Variants in SLC27A4 observed in about 807,000 individuals in gnomAD.
The protein encoded by SLC27A4 is solute carrier family 27 member 4, also known as long-chain fatty acid transport protein 4.
Under a neutral mutation model 64.4 loss-of-function variants are expected in SLC27A4, and 33 were observed. That is an observed-to-expected ratio of 0.51 (90% CI 0.39 to 0.68). SLC27A4 has a LOEUF of 0.68. SLC27A4 is among the 30% of genes least tolerant of loss of function. SLC27A4 has a pLI of 0.00. For synonymous variants in SLC27A4, 377 were observed against 370.0 expected (o/e 1.02, Z -0.22); for missense variants, 824 against 883.5 (o/e 0.93, Z 0.85).
At position 128,354,362 on chromosome 9, in the gene SLC27A4, A is replaced by G. The variant is rs148831968; in HGVS notation, c.1325-691A>G. On this transcript the variant is annotated intron_variant, in intron 9 of 12. Transcript: ENST00000300456. ...GCGAGTATTCAGCCTCACTGTGCCT[A>G]AGTCCCCTTATCTACAAACTGTGCC... Among the ~76,000 whole-genome samples, 4 of 152,190 alleles carry G rather than the reference A, an allele frequency of 2.6e-5. No homozygotes were observed. The East Asian group carries it at 7.7e-4, about 29-fold the overall frequency.
At chr9:128,351,118 T>C (rs1832730374) in intron 6 of SLC27A4, among the ~76,000 whole-genome samples, 1 of 144,264 alleles carries the variant, frequency 6.9e-6, no homozygotes, top group Non-Finnish European at 1.5e-5. Flanking sequence ...AAAGAAATTA[T>C]CTGGGTGTGG....
chr9:128,350,556 C>T lies in SLC27A4; in HGVS notation c.858C>T (p.Leu286=). ...MRPNDIVYDC[L]PLYHSAGNIV... is the part of the protein sequence containing the mutation. ...CCAACGACATCGTCTATGACTGCCT[C>T]CCCCTCTACCACTCAGCAGGTAACT... Residue 286 remains leucine (L), a synonymous_variant, in exon 6 of 13, where the codon CTC becomes CTT. Transcript: ENST00000300456. 1 of 1,613,234 alleles carries T rather than the reference C, an allele frequency of 6.2e-7. No individual in the cohort carries two copies. The highest frequency in any genetic ancestry group is 1.1e-5 in the South Asian group (1 of 90,912).
Position 128,348,543 on chromosome 9 carries a change from A to T in SLC27A4, c.557-2A>T, listed in dbSNP as rs1354719475. On this transcript the variant is annotated splice_acceptor_variant, in intron 3 of 12. Transcript: ENST00000300456. LOFTEE classifies it high-confidence loss of function. ...CCTGCTGACTGCCCTGTCTCCCCAC[A>T]GCCATCTGTGAGGTCCATGCCAGCC... is the stretch of plus-strand genomic sequence containing the variant. 3 of 1,612,850 alleles carry T rather than the reference A, an allele frequency of 1.9e-6. No homozygotes were observed. The highest frequency in any genetic ancestry group is 2.5e-6 in the Non-Finnish European group (3 of 1,180,026).
intron 10 of SLC27A4, 103 bp from the exon 11 acceptor site, chr9:128,355,295 T>A: frequency 6.3e-7 from 1 of 1,599,746 alleles, no homozygotes; most frequent in Admixed American, 1.7e-5. Flanking sequence ...GTCCTGGCCC[T>A]TGTGGTCAAA....
At position 128,353,432 on chromosome 9, in the gene SLC27A4, C is replaced by G. The variant is rs1227551235; in HGVS notation, c.1215C>G (p.Phe405Leu). 6.2e-6 allele frequency: 10 copies of G among 1,614,060 alleles called. No homozygotes were observed. The highest frequency in any genetic ancestry group is 8.5e-6 in the Non-Finnish European group (10 of 1,180,044). The change falls in exon 9 of 13, where the codon TTC becomes TTG. Residue 405 changes from phenylalanine (F) to leucine (L), a missense_variant. Physicochemically the swap from Phe to Leu is conservative, Grantham distance 22. Coordinates refer to ENST00000300456, the MANE Select transcript of SLC27A4 (RefSeq NM_005094.4). The surrounding 1 kb of genome is among the most constrained non-coding windows in gnomAD (Gnocchi z 4.9). ...CTTCGCAGGTGGGGGCCTGTGGTTT[C>G]AATAGCCGCATCCTGTCCTTCGTGT... ...NFDSQVGACG[F>L]NSRILSFVYP...
At chr9:128,341,089 T>G (rs888831801) in intron 1 of SLC27A4, among the ~76,000 whole-genome samples, 4 of 152,192 alleles carry the variant, frequency 2.6e-5, no homozygotes, top group Non-Finnish European at 5.9e-5. Context: ...GCCCCTCTGC[T>G]ATGGCGGGCT....
intron 12 of SLC27A4, among the ~76,000 whole-genome samples, chr9:128,358,808 C>T (rs1832857593): frequency 6.6e-6 from 1 of 152,134 alleles, no homozygotes. Flanking sequence ...CCGGTCTGGG[C>T]CCTCACCTGG....
chr9:128,353,486 G>C lies in SLC27A4; in HGVS notation c.1269G>C (p.Glu423Asp), dbSNP rs572373105. The change falls in exon 9 of 13, where the codon GAG (glutamate) becomes GAC (aspartate). Residue 423 changes from glutamate (E) to aspartate (D), a missense_variant. Glu to Asp is a conservative substitution (Grantham distance 45). Coordinates refer to ENST00000300456, the MANE Select transcript of SLC27A4 (RefSeq NM_005094.4). This position sits in a 1 kb window ranked among gnomAD's most constrained non-coding sequence, Gnocchi z 4.9. ...CCATCCGGTTGGTACGTGTCAACGA[G>C]GACACCATGGAGCTGATCCGGGGGC... ...VYPIRLVRVN[E>D]DTMELIRGPD... is the part of the protein sequence containing the mutation. 1 of 1,614,100 alleles carries C rather than the reference G, an allele frequency of 6.2e-7. No homozygotes were observed. Among genetic ancestry groups the C allele is most frequent in the South Asian group, 1.1e-5 (1 of 91,078 alleles).
At position 128,355,204 on chromosome 9, in the gene SLC27A4, C is replaced by T. The variant is rs1832799303; in HGVS notation, c.1462+14C>T. On this transcript the variant is annotated intron_variant, in intron 10 of 12. Transcript: ENST00000300456. ...CCTACCTTACTGGTGGGTCCCCAGC[C>T]CTTCACAGCCCCTTCCTGAGGGTTG... is the stretch of plus-strand genomic sequence containing the variant. The T allele has an allele frequency of 1.2e-6, 2 of 1,612,328 alleles. No homozygotes were observed. Among genetic ancestry groups the T allele is most frequent in the South Asian group, 2.2e-5 (2 of 91,060 alleles).
intron 6 of SLC27A4, among the ~76,000 whole-genome samples, chr9:128,351,830 A>C (rs1398965807): frequency 1.3e-5 from 2 of 151,896 alleles, no homozygotes; most frequent in Non-Finnish European, 2.9e-5. Flanking sequence ...AGACAGGAGA[A>C]TCACTTGAGC....
In SLC27A4 at chr9:128,355,390, C is replaced by T. The variant is rs1471050295; in HGVS notation, c.1463-8C>T. 5 of 1,613,546 alleles carry T rather than the reference C, an allele frequency of 3.1e-6. No individual in the cohort carries two copies. The highest frequency in any genetic ancestry group is 1.7e-5 in the Admixed American group (1 of 60,008). The stretch of plus-strand genomic sequence containing the variant: ...GGCCCAGCCCTGCCTCATCCGGCCC[C>T]TCCCTAGGTGATGTGCTGGTGATGG... On this transcript the variant is annotated splice_region_variant and splice_polypyrimidine_tract_variant and intron_variant, in intron 10 of 12. Transcript: ENST00000300456.
intron 2 of SLC27A4, among the ~76,000 whole-genome samples, chr9:128,344,754 A>G (rs1393719886): frequency 6.6e-6 from 1 of 152,142 alleles, no homozygotes; most frequent in African/African-American, 2.4e-5. Flanking sequence ...GGGAGGCCCC[A>G]AACAAGGAGT....
In SLC27A4 at chr9:128,345,089, G is replaced by A. The variant is rs1467740220; in HGVS notation, c.162-66G>A. 6.2e-7 allele frequency: 1 copy of A among 1,602,238 alleles called. No individual in the cohort carries two copies. Among genetic ancestry groups the A allele is most frequent in the African/African-American group, 1.3e-5 (1 of 74,806 alleles). Reference sequence around the variant, plus strand: ...TAGGCTGGCGAGGCAGCAGCCTGGGGTAGGGTGTCAGGACCCCTCCCTCCC... The same window carrying A: ...TAGGCTGGCGAGGCAGCAGCCTGGGATAGGGTGTCAGGACCCCTCCCTCCC... On this transcript the variant is annotated intron_variant, in intron 2 of 12. Transcript: ENST00000300456. The surrounding 1 kb of genome is among the most constrained non-coding windows in gnomAD (Gnocchi z 4.1).
At position 128,353,475 on chromosome 9, in the gene SLC27A4, C is replaced by A; in HGVS notation, c.1258C>A (p.Arg420Ser). The change falls in exon 9 of 13, where the codon CGT becomes AGT. Residue 420 changes from arginine to serine, a missense_variant. By Grantham distance (110) the Arg-to-Ser change is moderately radical. Coordinates refer to ENST00000300456, the MANE Select transcript of SLC27A4 (RefSeq NM_005094.4). The surrounding 1 kb of genome is among the most constrained non-coding windows in gnomAD (Gnocchi z 4.9). ...LSFVYPIRLV[R>S]VNEDTMELIR... ...CTTCGTGTACCCCATCCGGTTGGTA[C>A]GTGTCAACGAGGACACCATGGAGCT... 1 of 1,614,116 alleles carries A rather than the reference C, an allele frequency of 6.2e-7. No homozygotes were observed. Among genetic ancestry groups the A allele is most frequent in the Non-Finnish European group, 8.5e-7 (1 of 1,180,026 alleles).
chr9:128,351,191 G>A (rs1169481504), intron 6 of SLC27A4, among the ~76,000 whole-genome samples: 2 of 152,090 alleles, frequency 1.3e-5, no homozygotes, highest in Non-Finnish European at 2.9e-5. Flanking sequence ...TTGAACCTGG[G>A]AGGCAAAGGT....
chr9:128,343,932 C>T lies in SLC27A4; in HGVS notation c.161+639C>T, dbSNP rs1832615876. On this transcript the variant is annotated intron_variant, in intron 2 of 12. Transcript: ENST00000300456. ...ATTGGCAGTGCCATGTGGGCAGAGACCCTGGCACAGCCTTGCTCACTACTG... is the reference window on the plus strand; with the variant it reads ...ATTGGCAGTGCCATGTGGGCAGAGATCCTGGCACAGCCTTGCTCACTACTG... Among the ~76,000 whole-genome samples the T allele has an allele frequency of 2.0e-5, 3 of 152,216 alleles. No individual in the cohort carries two copies. The South Asian group carries it at 6.2e-4, about 32-fold the overall frequency.
intron 9 of SLC27A4, among the ~76,000 whole-genome samples, chr9:128,354,400 C>T (rs1832786559): frequency 6.6e-6 from 1 of 152,126 alleles, no homozygotes; most frequent in Admixed American, 6.6e-5. Flanking sequence ...TGGCAGCACC[C>T]ACACATGGGG....
rs1410310601 is a variant in SLC27A4, at chr9:128,340,834, G to T, written c.-11G>T. ...CGGGGCGCCGCGCGGCGGAGCCGACGCCGGGTGAGCATAGACCGGGCTGGT... is the reference window on the plus strand; with the variant it reads ...CGGGGCGCCGCGCGGCGGAGCCGACTCCGGGTGAGCATAGACCGGGCTGGT... On this transcript the variant is annotated 5_prime_UTR_variant, in exon 1 of 13. Coordinates refer to ENST00000300456, the MANE Select transcript of SLC27A4 (RefSeq NM_005094.4). 1 of 686,164 alleles carries T rather than the reference G, an allele frequency of 1.5e-6. No individual in the cohort carries two copies. Among genetic ancestry groups the T allele is most frequent in the East Asian group, 2.9e-5 (1 of 34,664 alleles). The allele number at this position is 686,164 out of a possible 1,614,324, so 42.5% of individuals were successfully genotyped here. A position where few individuals can be genotyped will look rare whatever the true frequency, so the allele number is the denominator to read the frequency against.
chr9:128,355,720 T>G lies in SLC27A4; in HGVS notation c.1698T>G (p.Ala566=). Residue 566 remains alanine (A), a synonymous_variant, in exon 12 of 13, where the codon GCT becomes GCG. Coordinates refer to ENST00000300456, the MANE Select transcript of SLC27A4 (RefSeq NM_005094.4). The part of the protein sequence containing the change: ...PTGNCDLERF[A]QVLEKELPLY... Reference sequence around the variant, plus strand: ...GCAACTGTGACCTGGAGCGCTTTGCTCAGGTCTTGGAGAAGGAACTGCCCC... The same window carrying G: ...GCAACTGTGACCTGGAGCGCTTTGCGCAGGTCTTGGAGAAGGAACTGCCCC... The G allele has an allele frequency of 6.2e-7, 1 of 1,613,656 alleles. No individual in the cohort carries two copies. Among genetic ancestry groups the G allele is most frequent in the Non-Finnish European group, 8.5e-7 (1 of 1,180,042 alleles).
Sources: gnomAD v4.1 joint callset for allele counts (sites outside exome capture counted in the v4.1 genomes callset) on GRCh38, gnomAD v4.1.1 for gene constraint, Gnocchi (gnomAD v3.1) non-coding constraint, MANE v1.5 for transcripts, NCBI Gene and HGNC (gene_info 2026-07-23, HGNC 2026-07-21) for gene names.